The following FHIT variants were observed in gnomAD, a reference collection of about 807,000 sequenced individuals.
FHIT encodes the protein fragile histidine triad diadenosine triphosphatase, also known as bis(5'-adenosyl)-triphosphatase.
FHIT carries 19 observed loss-of-function variants against 17.9 expected under a neutral mutation model. The ratio of observed to expected loss-of-function variants is 1.06; its 90% CI spans 0.74 to 1.56. The LOEUF (loss-of-function observed/expected upper bound fraction) is 1.56, where lower values mean the gene tolerates loss of function less well. Ranked by LOEUF, FHIT falls within the 40% of genes most tolerant of loss-of-function variation. The pLI is 0.00. For missense variants in FHIT, 248 were observed against 189.2 expected (o/e 1.31, Z -1.82); for synonymous variants, 81 against 69.7 (o/e 1.16, Z -0.81).
chr3:59,790,669 A>G (rs1699517258), intron 8 of FHIT, among the ~76,000 whole-genome samples: 1 of 152,144 alleles, frequency 6.6e-6, no homozygotes, highest in Admixed American at 6.6e-5. Context: ...TAACCCTACT[A>G]TAATGCTCTT....
chr3:60,150,312 A>G (rs553859128), intron 5 of FHIT, among the ~76,000 whole-genome samples: 1 of 152,068 alleles, frequency 6.6e-6, no homozygotes, highest in East Asian at 2.0e-4. Flanking sequence ...TTAAGCATTT[A>G]ATGGGATGTT....
intron 5 of FHIT, among the ~76,000 whole-genome samples, chr3:60,525,892 C>T (rs2035554869): frequency 6.6e-6 from 1 of 152,012 alleles, no homozygotes; most frequent in Admixed American, 6.6e-5. Flanking sequence ...TGCTTGAGCT[C>T]AGGAGTTTGA....
intron 5 of FHIT, among the ~76,000 whole-genome samples, chr3:60,092,542 A>T (rs928236101): frequency 2.0e-5 from 3 of 152,210 alleles, no homozygotes; most frequent in African/African-American, 7.2e-5. Context: ...GCATTTCTAG[A>T]TTGATTCCAT....
intron 5 of FHIT, among the ~76,000 whole-genome samples, chr3:60,316,021 T>A (rs897604470): frequency 1.3e-5 from 2 of 152,190 alleles, no homozygotes; most frequent in African/African-American, 4.8e-5. Flanking sequence ...AACTACACAA[T>A]AGTATTGTTC....
intron 5 of FHIT, among the ~76,000 whole-genome samples, chr3:60,523,270 C>T (rs1388670573): frequency 1.3e-5 from 2 of 152,174 alleles, no homozygotes; most frequent in East Asian, 1.9e-4. Flanking sequence ...ATGCACTAAT[C>T]TCACTTTTGG....
chr3:60,387,946 CT>C (rs1701075000), intron 5 of FHIT, among the ~76,000 whole-genome samples: 1 of 152,064 alleles, frequency 6.6e-6, no homozygotes, highest in Admixed American at 6.5e-5. Flanking sequence ...TCCTTCAGAA[CT>C]GGTGGTTAAA....
At chr3:59,869,877 C>T (rs1702841641) in intron 8 of FHIT, among the ~76,000 whole-genome samples, 2 of 152,068 alleles carry the variant, frequency 1.3e-5, no homozygotes, top group African/African-American at 4.8e-5. Context: ...TCTTAGTTTT[C>T]TTCTTTATGG....
At chr3:60,258,822 A>G (rs1706150200) in intron 5 of FHIT, among the ~76,000 whole-genome samples, 1 of 152,124 alleles carries the variant, frequency 6.6e-6, no homozygotes, top group Admixed American at 6.6e-5. Flanking sequence ...TAATGGTAAT[A>G]AGCTGGGAGG....
At chr3:60,416,810 GGT>G (rs1399498733) in intron 5 of FHIT, among the ~76,000 whole-genome samples, 61 of 152,222 alleles carry the variant, frequency 4.0e-4, no homozygotes, top group African/African-American at 1.5e-3. Flanking sequence ...GAACAGGCCG[GGT>G]GCGGCAGCTG....
At chr3:60,180,790 G>C (rs944155625) in intron 5 of FHIT, among the ~76,000 whole-genome samples, 1 of 151,968 alleles carries the variant, frequency 6.6e-6, no homozygotes, top group African/African-American at 2.4e-5. Context: ...ATCTGTATCT[G>C]GAAGAACCAA....
chr3:60,082,782 G>C (rs1703345401), intron 5 of FHIT, among the ~76,000 whole-genome samples: 1 of 152,052 alleles, frequency 6.6e-6, no homozygotes, highest in African/African-American at 2.4e-5. Context: ...GTTTTGAGAA[G>C]TGTCTGTTCA....
At chr3:60,496,147 T>C (rs1323039281) in intron 5 of FHIT, among the ~76,000 whole-genome samples, 1 of 152,130 alleles carries the variant, frequency 6.6e-6, no homozygotes, top group Admixed American at 6.5e-5. Flanking sequence ...AATTTCATTA[T>C]ACTAAACATT....
chr3:60,141,516 A>T (rs1700038439), intron 5 of FHIT, among the ~76,000 whole-genome samples: 1 of 152,120 alleles, frequency 6.6e-6, no homozygotes, highest in African/African-American at 2.4e-5. Flanking sequence ...ACAGGAAGTC[A>T]CTCTCATCTA....
intron 5 of FHIT, among the ~76,000 whole-genome samples, chr3:60,068,427 G>A (rs553182025): frequency 4.1e-4 from 62 of 152,298 alleles, no homozygotes; most frequent in Middle Eastern, 6.8e-3. Flanking sequence ...CAAGAAAAGA[G>A]TAAAAATAGC....
intron 5 of FHIT, among the ~76,000 whole-genome samples, chr3:60,281,357 G>C (rs1319469534): frequency 6.6e-6 from 1 of 152,038 alleles, no homozygotes; most frequent in Non-Finnish European, 1.5e-5. Context: ...TCATAGAGAA[G>C]GGCTCAAGAT....
At chr3:60,239,251 T>C (rs1020630961) in intron 5 of FHIT, among the ~76,000 whole-genome samples, 1 of 152,212 alleles carries the variant, frequency 6.6e-6, no homozygotes, top group Non-Finnish European at 1.5e-5. Context: ...GGTAGTTGAA[T>C]GTACTTCTTT....
chr3:60,279,979 C>G (rs1158319148), intron 5 of FHIT, among the ~76,000 whole-genome samples: 2 of 147,134 alleles, frequency 1.4e-5, no homozygotes, highest in African/African-American at 5.0e-5. Context: ...TTGCAGTGAG[C>G]GGAGATCGTG....
At chr3:60,413,415 G>C (rs1379465592) in intron 5 of FHIT, among the ~76,000 whole-genome samples, 1 of 152,136 alleles carries the variant, frequency 6.6e-6, no homozygotes, top group Non-Finnish European at 1.5e-5. Context: ...TTTTAACAAT[G>C]AAAGTAGCTC....
chr3:60,108,047 CAT>C (rs1237651613), intron 5 of FHIT, among the ~76,000 whole-genome samples: 1 of 152,172 alleles, frequency 6.6e-6, no homozygotes, highest in Non-Finnish European at 1.5e-5. Flanking sequence ...TTCATCTTCA[CAT>C]ATATGTTAGT....
Sources: gnomAD v4.1 joint callset for allele counts (sites outside exome capture counted in the v4.1 genomes callset) on GRCh38, gnomAD v4.1.1 for gene constraint, MANE v1.5 for transcripts, NCBI Gene and HGNC (gene_info 2026-07-23, HGNC 2026-07-21) for gene names.